Variants in GRAMD1A observed in about 807,000 individuals in gnomAD.
GRAMD1A encodes the protein protein Aster-A.
Under a neutral mutation model 92.0 loss-of-function variants are expected in GRAMD1A, and 50 were observed. The observed-to-expected ratio is 0.54, with a 90% confidence interval of 0.43 to 0.69. The LOEUF is 0.69. Among genes scored for constraint, GRAMD1A ranks in the 30% least tolerant of loss-of-function variants. GRAMD1A has a pLI of 0.00. For missense variants in GRAMD1A, 819 were observed against 978.9 expected (o/e 0.84, Z 2.18); for synonymous variants, 405 against 403.6 (o/e 1.00, Z -0.04).
chr19:35,010,001 C>T, intron 4 of GRAMD1A, 29 bp downstream of exon 4: 2 of 1,569,652 alleles, frequency 1.3e-6, no homozygotes, highest in East Asian at 2.2e-5. Context: ...GTCCCAGCTC[C>T]TAGCCCAGCC....
upstream of GRAMD1A, chr19:35,000,159 T>C (rs1324141513): frequency 2.0e-6 from 2 of 1,006,302 alleles, no homozygotes; most frequent in Non-Finnish European, 1.2e-6. This position sits in a 1 kb window ranked among gnomAD's most constrained non-coding sequence, Gnocchi z 4.9. Context: ...CCCTCTGCTT[T>C]CCCTTCTCTG....
At chr19:34,995,571 G>GTTTTTTTT (rs59556577), upstream of GRAMD1A, among the ~76,000 whole-genome samples, 1 of 93,652 alleles carries the variant, frequency 1.1e-5, no homozygotes, top group Non-Finnish European at 2.2e-5. Flanking sequence ...CAGATCACGG[G>GTTTTTTTT]TTTTTTTTTT....
chr19:35,023,110 T>C (rs1384821609), intron 17 of GRAMD1A, 126 bp from the exon 18 acceptor site: 11 of 831,684 alleles, frequency 1.3e-5, no homozygotes, highest in Non-Finnish European at 2.3e-5. Flanking sequence ...ATGTCTCTCA[T>C]CCTCTCTGAG....
At position 35,023,300 on chromosome 19, in the gene GRAMD1A, G is replaced by A; in HGVS notation, c.1918G>A (p.Ala640Thr). The change falls in exon 18 of 20, where the codon GCC becomes ACC. Residue 640 changes from alanine (A) to threonine (T), a missense_variant. Transcript: ENST00000317991. ...CCGCCTCTGGTCCCTGGAAAGGACA[G>A]CCCACACCTTTGAGTCCTGGCACAG... ...FYRLWSLERTAHTFESWHSLA... is the reference protein window; with the variant it reads ...FYRLWSLERTTHTFESWHSLA... The A allele has an allele frequency of 3.1e-6, 5 of 1,614,176 alleles. No individual in the cohort carries two copies. The highest frequency in any genetic ancestry group is 4.2e-6 in the Non-Finnish European group (5 of 1,179,998).
chr19:35,020,440 A>C (rs2015965707), intron 13 of GRAMD1A, among the ~76,000 whole-genome samples: 2 of 152,110 alleles, frequency 1.3e-5, no homozygotes, highest in African/African-American at 4.8e-5. Flanking sequence ...TGGGAGGCTA[A>C]GGCACAAGAA....
chr19:35,012,130 G>A (rs1277279936), intron 7 of GRAMD1A, among the ~76,000 whole-genome samples: 1 of 152,222 alleles, frequency 6.6e-6, no homozygotes, highest in Non-Finnish European at 1.5e-5. Context: ...ACAGCACCCA[G>A]AATTTTGCCC....
In GRAMD1A at chr19:35,000,453, C is replaced by G; in HGVS notation, c.-26C>G. The G allele has an allele frequency of 1.1e-6, 1 of 903,742 alleles. No individual in the cohort carries two copies. Among genetic ancestry groups the G allele is most frequent in the African/African-American group, 2.1e-5 (1 of 47,094 alleles). The allele number at this position is 903,742 out of a possible 1,614,324, so 56.0% of individuals were successfully genotyped here. On this transcript the variant is annotated 5_prime_UTR_variant, in exon 1 of 20. Transcript: ENST00000317991. This position sits in a 1 kb window ranked among gnomAD's most constrained non-coding sequence, Gnocchi z 4.9. ...GCCCTGCCCTGCCCTGCCCTGCGCC[C>G]GGGGCGCGCCCACCGCGCCGCATCC... is the stretch of plus-strand genomic sequence containing the variant.
At chr19:34,997,729 G>A (rs1288683602), upstream of GRAMD1A, among the ~76,000 whole-genome samples, 1 of 152,132 alleles carries the variant, frequency 6.6e-6, no homozygotes, top group Non-Finnish European at 1.5e-5. Context: ...TGGATAATAG[G>A]TGATAGTGTT....
chr19:34,996,682 T>C (rs989413121), upstream of GRAMD1A, among the ~76,000 whole-genome samples: 1 of 151,994 alleles, frequency 6.6e-6, no homozygotes, highest in Non-Finnish European at 1.5e-5. Flanking sequence ...GATGGATGCC[T>C]GTAATCCAAG....
In GRAMD1A at chr19:35,000,422, A is replaced by AGCTCT. The variant is rs1555711032; in HGVS notation, c.-55_-54insTCTGC. 10 of 1,138,088 alleles carry AGCTCT rather than the reference A, an allele frequency of 8.8e-6. No homozygotes were observed. Among genetic ancestry groups the AGCTCT allele is most frequent in the Non-Finnish European group, 1.1e-5 (10 of 913,264 alleles). 70.5% of individuals were successfully genotyped at this position (1,138,088 alleles called of 1,614,324 possible). A position where few individuals can be genotyped will look rare whatever the true frequency, so the allele number is the denominator to read the frequency against. On this transcript the variant is annotated 5_prime_UTR_variant, in exon 1 of 20. Coordinates refer to ENST00000317991, the MANE Select transcript of GRAMD1A (RefSeq NM_020895.5). This position sits in a 1 kb window ranked among gnomAD's most constrained non-coding sequence, Gnocchi z 4.9. ...AGCGCAGCCCAGCCCCGCGCAGCCC[A>AGCTCT]GCCCTGCCCTGCCCTGCCCTGCCCT...
In GRAMD1A at chr19:35,014,266, A is replaced by T; in HGVS notation, c.948A>T (p.Glu316Asp). ...SSSQTVTPVA[E>D]PPSTEPTQPD... ...GCCAGACAGTGACCCCGGTGGCTGA[A>T]CCCCCGAGCACAGAGCCCACCCAGC... The change falls in exon 10 of 20, where the codon GAA becomes GAT. Residue 316 changes from glutamate to aspartate, a missense_variant. Glu to Asp is a conservative substitution (Grantham distance 45). Coordinates refer to ENST00000317991, the MANE Select transcript of GRAMD1A (RefSeq NM_020895.5). The T allele has an allele frequency of 6.2e-7, 1 of 1,613,874 alleles. No homozygotes were observed. The highest frequency in any genetic ancestry group is 8.5e-7 in the Non-Finnish European group (1 of 1,179,912).
chr19:34,995,621 G>A (rs1028612579), upstream of GRAMD1A, among the ~76,000 whole-genome samples: 6 of 125,484 alleles, frequency 4.8e-5, no homozygotes, highest in African/African-American at 1.5e-4. Context: ...TCGCTCTGTT[G>A]CCCAGGCTGG....
At chr19:35,010,016 G>T in intron 4 of GRAMD1A, 44 bp downstream of exon 4, 2 of 1,535,020 alleles carry the variant, frequency 1.3e-6, no homozygotes, top group Non-Finnish European at 1.8e-6. Context: ...CCAGCCCTGT[G>T]ACTCTCCGCC....
chr19:35,003,173 T>TGTGTGC (rs1214479280), intron 1 of GRAMD1A, among the ~76,000 whole-genome samples: 1 of 133,336 alleles, frequency 7.5e-6, no homozygotes, highest in Non-Finnish European at 1.7e-5. Context: ...TGTGTGTGTG[T>TGTGTGC]GTGTGCATAT....
At chr19:35,019,818 C>T (rs1390572692) in intron 13 of GRAMD1A, among the ~76,000 whole-genome samples, 2 of 152,098 alleles carry the variant, frequency 1.3e-5, no homozygotes, top group African/African-American at 2.4e-5. Context: ...GGGAATTGGA[C>T]AATAGAGAAA....
Position 35,014,309 on chromosome 19 carries a change from C to G in GRAMD1A, c.991C>G (p.Leu331Val), listed in dbSNP as rs1273964414. 1 of 1,613,794 alleles carries G rather than the reference C, an allele frequency of 6.2e-7. No individual in the cohort carries two copies. The highest frequency in any genetic ancestry group is 1.3e-5 in the African/African-American group (1 of 74,928). Residue 331 changes from leucine to valine, a missense_variant, in exon 10 of 20, where the codon CTG (leucine) becomes GTG (valine). Leu to Val is a conservative substitution (Grantham distance 32). Transcript: ENST00000317991. ...EPTQPDGPTTLGPLDLLPSEE... is the reference protein window; with the variant it reads ...EPTQPDGPTTVGPLDLLPSEE... ...CACCCAGCCTGACGGGCCCACCACCCTGGGCCCCTTGGATCTGCTGCCCAG... is the reference window on the plus strand; with the variant it reads ...CACCCAGCCTGACGGGCCCACCACCGTGGGCCCCTTGGATCTGCTGCCCAG...
intron 11 of GRAMD1A, 125 bp from the exon 12 acceptor site, chr19:35,019,066 G>A (rs568886025): frequency 2.9e-6 from 2 of 690,100 alleles, no homozygotes; most frequent in East Asian, 2.5e-5. Flanking sequence ...GGAAGGTGGG[G>A]ACACAGAGGA....
At chr19:35,003,408 T>A (rs1420413196) in intron 1 of GRAMD1A, among the ~76,000 whole-genome samples, 1 of 152,128 alleles carries the variant, frequency 6.6e-6, no homozygotes, top group Non-Finnish European at 1.5e-5. Flanking sequence ...CTCGCCCCTA[T>A]AACAGTCCCC....
intron 6 of GRAMD1A, chr19:35,010,787 C>T (rs1372931880): frequency 4.3e-6 from 2 of 461,816 alleles, no homozygotes; most frequent in Non-Finnish European, 7.6e-6. Flanking sequence ...GCAGACTTCT[C>T]TTTGTGTTTT....
Sources: allele counts gnomAD v4.1 joint callset (sites outside exome capture counted in the v4.1 genomes callset), GRCh38; gene constraint gnomAD v4.1.1; non-coding constraint Gnocchi (gnomAD v3.1); transcripts MANE v1.5; gene names NCBI Gene and HGNC (gene_info 2026-07-23, HGNC 2026-07-21).